The following GRIN2D variants were observed in gnomAD, a reference collection of about 807,000 sequenced individuals.
The protein encoded by GRIN2D is glutamate receptor ionotropic, NMDA 2D.
Under a neutral mutation model 103.2 loss-of-function variants are expected in GRIN2D, and 37 were observed. The observed-to-expected ratio is 0.36, with a 90% CI of 0.28 to 0.47. The LOEUF is 0.47. Among genes scored for constraint, GRIN2D ranks in the 20% least tolerant of loss-of-function variants. The pLI is 1.00. For missense variants in GRIN2D, 1,557 were observed against 1,910.6 expected, an observed-to-expected ratio of 0.81 and a Z score of 3.45; for synonymous variants, 845 against 885.6, an observed-to-expected ratio of 0.95 and a Z score of 0.81.
intron 11 of GRIN2D, among the ~76,000 whole-genome samples, chr19:48,437,959 G>A (rs965269494): frequency 1.2e-4 from 19 of 152,082 alleles, no homozygotes; most frequent in African/African-American, 3.4e-4. Flanking sequence ...TCCTCCCCAC[G>A]TTTCTGCTAA....
At position 48,414,611 on chromosome 19, in the gene GRIN2D, G is replaced by C; in HGVS notation, c.1412+27G>C. 2 of 1,544,018 alleles carry C rather than the reference G, an allele frequency of 1.3e-6. No homozygotes were observed. Among genetic ancestry groups the C allele is most frequent in the Non-Finnish European group, 1.8e-6 (2 of 1,142,022 alleles). ...TGACAGCTCGGGATCCAGGAGTTCC[G>C]GCTCCAAAACCCGCCTCCCGTGAAG... On this transcript the variant is annotated intron_variant, in intron 6 of 13. Transcript: ENST00000263269. The surrounding 1 kb of genome is among the most constrained non-coding windows in gnomAD (Gnocchi z 4.6).
At chr19:48,423,569 A>G (rs1971049032) in intron 11 of GRIN2D, among the ~76,000 whole-genome samples, 1 of 152,074 alleles carries the variant, frequency 6.6e-6, no homozygotes, top group South Asian at 2.1e-4. Context: ...AGCCAGGTGG[A>G]CTTCCGGAAG....
chr19:48,402,629 A>G (rs1479323589), intron 3 of GRIN2D, among the ~76,000 whole-genome samples: 1 of 146,016 alleles, frequency 6.8e-6, no homozygotes, highest in Non-Finnish European at 1.5e-5. Context: ...AGGCAGGAGA[A>G]TGGCGTGAAC....
intron 3 of GRIN2D, among the ~76,000 whole-genome samples, chr19:48,400,526 C>T (rs1970698142): frequency 6.6e-6 from 1 of 152,190 alleles, no homozygotes; most frequent in African/African-American, 2.4e-5. Flanking sequence ...ACTCAAAAGA[C>T]GTGATCCCTC....
chr19:48,408,968 A>G (rs1438702716), intron 4 of GRIN2D, among the ~76,000 whole-genome samples: 1 of 152,164 alleles, frequency 6.6e-6, no homozygotes, highest in East Asian at 1.9e-4. Flanking sequence ...TTGCTATGAC[A>G]GAATATCATA....
intron 8 of GRIN2D, among the ~76,000 whole-genome samples, chr19:48,416,864 C>G (rs1970955121): frequency 6.6e-6 from 1 of 151,936 alleles, no homozygotes; most frequent in Admixed American, 6.6e-5. Flanking sequence ...CCTGCCTCAG[C>G]CTGCCAAGTA....
At chr19:48,419,136 C>T (rs777617301) in intron 8 of GRIN2D, 98 bp from the exon 9 acceptor site, 57 of 1,155,830 alleles carry the variant, frequency 4.9e-5, no homozygotes, top group Non-Finnish European at 6.7e-5. Context: ...GCCTCAGCCT[C>T]CCAAAGTTCT....
intron 4 of GRIN2D, among the ~76,000 whole-genome samples, chr19:48,410,385 G>A (rs972519893): frequency 6.6e-6 from 1 of 151,476 alleles, no homozygotes; most frequent in African/African-American, 2.4e-5. Flanking sequence ...CAAATTAGCT[G>A]GACATGGTGG....
At chr19:48,406,748 T>C (rs1201126466) in intron 4 of GRIN2D, among the ~76,000 whole-genome samples, 1 of 152,030 alleles carries the variant, frequency 6.6e-6, no homozygotes, top group Admixed American at 6.6e-5. Context: ...CTTGCAGTAA[T>C]GGAGGTCATG....
rs1008196846 is a variant in GRIN2D, at chr19:48,405,297, G to T, written c.1029G>T (p.Glu343Asp). Residue 343 changes from glutamate to aspartate, a missense_variant, in exon 4 of 14, where the codon GAG (glutamate) becomes GAT (aspartate). Glu to Asp is a conservative substitution (Grantham distance 45). Transcript: ENST00000263269. The surrounding 1 kb of genome is among the most constrained non-coding windows in gnomAD (Gnocchi z 5.1). The part of the protein sequence containing the change: ...ALLRDYGFLP[E>D]LGHDCRAQNR... ...TGCGTGATTATGGTTTCCTTCCTGA[G>T]CTCGGCCACGACTGTCGCGCCCAGA... The T allele has an allele frequency of 1.2e-6, 2 of 1,601,642 alleles. No homozygotes were observed. The highest frequency in any genetic ancestry group is 1.7e-6 in the Non-Finnish European group (2 of 1,177,570).
intron 11 of GRIN2D, among the ~76,000 whole-genome samples, chr19:48,430,846 GTCTC>G (rs1021475622): frequency 6.8e-6 from 1 of 146,448 alleles, no homozygotes; most frequent in African/African-American, 2.6e-5. Context: ...TTGAGACAGG[GTCTC>G]TCTCTGTCAC....
rs746919844 is a variant in GRIN2D at position 48,414,505 on chromosome 19, G to A, written c.1333G>A (p.Val445Met). The A allele has an allele frequency of 6.3e-7, 1 of 1,577,704 alleles. No homozygotes were observed. Among genetic ancestry groups the A allele is most frequent in the East Asian group, 2.3e-5 (1 of 42,904 alleles). Reference protein sequence around the residue: ...ATLEERPFVIVEPADPISGTC... With the variant: ...ATLEERPFVIMEPADPISGTC... The stretch of plus-strand genomic sequence containing the variant: ...GCTGGAGGAAAGGCCGTTTGTCATC[G>A]TGGAGCCTGCAGACCCTATCAGCGG... Residue 445 changes from valine to methionine, a missense_variant, in exon 6 of 14, where the codon GTG (valine) becomes ATG (methionine). Around this residue, in one of 7 missense-constraint regions of GRIN2D, gnomAD observed 197 missense variants for 334.1 expected, o/e 0.59. Coordinates refer to ENST00000263269, the MANE Select transcript of GRIN2D (RefSeq NM_000836.4). This position sits in a 1 kb window ranked among gnomAD's most constrained non-coding sequence, Gnocchi z 4.6.
rs1971313593 is a variant in GRIN2D, at chr19:48,442,696, C to T, written c.2770C>T (p.Arg924Trp). Residue 924 changes from arginine (R) to tryptophan (W), a missense_variant, in exon 14 of 14, where the codon CGG becomes TGG. By Grantham distance (101) the Arg-to-Trp change is moderately radical (BLOSUM62 -3). Around this residue, in one of 7 missense-constraint regions of GRIN2D, gnomAD observed 632 missense variants for 572.8 expected, o/e 1.10. Transcript: ENST00000263269. The surrounding 1 kb of genome is among the most constrained non-coding windows in gnomAD (Gnocchi z 7.2). ...PLPSPAYPAP[R>W]PAPGPAPFVP... ...GCCCAGCCCCGCGTACCCCGCGCCG[C>T]GGCCGGCTCCCGGGCCCGCACCTTT... is the stretch of plus-strand genomic sequence containing the variant. 1.7e-6 allele frequency: 2 copies of T among 1,174,654 alleles called. No individual in the cohort carries two copies. The highest frequency in any genetic ancestry group is 2.1e-6 in the Non-Finnish European group (2 of 953,044). The allele number at this position is 1,174,654 out of a possible 1,614,324, so 72.8% of individuals were successfully genotyped here.
chr19:48,404,651 TG>T, intron 3 of GRIN2D, 82 bp from the exon 4 acceptor site: 7 of 1,356,894 alleles, frequency 5.2e-6, no homozygotes, highest in Non-Finnish European at 7.0e-6. Flanking sequence ...TCTGCCATAT[TG>T]GGAGCTGTGG....
chr19:48,427,919 C>T (rs890639299), intron 11 of GRIN2D, among the ~76,000 whole-genome samples: 1 of 152,064 alleles, frequency 6.6e-6, no homozygotes, highest in African/African-American at 2.4e-5. Flanking sequence ...TAGGCATCCT[C>T]TTGGCTCCTT....
At chr19:48,395,519 G>A (rs1257444606) in intron 2 of GRIN2D, among the ~76,000 whole-genome samples, 3 of 152,068 alleles carry the variant, frequency 2.0e-5, no homozygotes, top group Non-Finnish European at 1.5e-5. Context: ...GGAGGTGAGG[G>A]GGGAGGAAAC....
At position 48,393,887 on chromosome 19, in the gene GRIN2D, G is replaced by A. The variant is rs1195557475; in HGVS notation, c.-306+19G>A. ...CTGCCCGGTGAGGATCTGTGTGTCC[G>A]GGTGTCTGGGGCTGGCTGGTGGAGG... On this transcript the variant is annotated intron_variant, in intron 1 of 13. Coordinates refer to ENST00000263269, the MANE Select transcript of GRIN2D (RefSeq NM_000836.4). The surrounding 1 kb of genome is among the most constrained non-coding windows in gnomAD (Gnocchi z 5.6). Among the ~76,000 whole-genome samples, 9 of 152,144 alleles carry A rather than the reference G, an allele frequency of 5.9e-5. No homozygotes were observed. Among genetic ancestry groups the A allele is most frequent in the South Asian group, 4.2e-4 (2 of 4,814 alleles).
intron 3 of GRIN2D, among the ~76,000 whole-genome samples, chr19:48,402,132 G>GAAAA (rs1330722692): frequency 7.2e-6 from 1 of 138,716 alleles, no homozygotes; most frequent in African/African-American, 2.7e-5. Context: ...AAGAAAGAAA[G>GAAAA]AAAGAAAGAA....
At chr19:48,435,178 C>G (rs1278400994) in intron 11 of GRIN2D, among the ~76,000 whole-genome samples, 2 of 152,192 alleles carry the variant, frequency 1.3e-5, no homozygotes, top group East Asian at 3.9e-4. Flanking sequence ...GCAGTGATGG[C>G]TCCTTTTGAG....
Sources: gnomAD v4.1 joint callset for allele counts (sites outside exome capture counted in the v4.1 genomes callset) on GRCh38, gnomAD v4.1.1 for gene constraint, gnomAD v4.1.1 regional missense constraint, Gnocchi (gnomAD v3.1) non-coding constraint, MANE v1.5 for transcripts, NCBI Gene and HGNC (gene_info 2026-07-23, HGNC 2026-07-21) for gene names.